The following SYN3 variants were observed in gnomAD, a reference collection of about 807,000 sequenced individuals.
The protein encoded by SYN3 is synapsin III, also known as synapsin-3.
A neutral mutation model predicts 65.8 loss-of-function variants in SYN3; 35 were observed. That is an observed-to-expected ratio of 0.53 (90% CI 0.41 to 0.70). The LOEUF (loss-of-function observed/expected upper bound fraction) is 0.70, where lower values mean the gene tolerates loss of function less well. Ranked by LOEUF, SYN3 falls within the 30% of genes least tolerant of loss-of-function variation. SYN3 has a pLI of 0.00. For missense variants in SYN3, 680 were observed against 749.0 expected (o/e 0.91, Z 1.08); for synonymous variants, 270 against 292.9 (o/e 0.92, Z 0.80).
intron 3 of SYN3, among the ~76,000 whole-genome samples, chr22:32,936,746 T>G (rs1376572762): frequency 6.6e-6 from 1 of 152,198 alleles, no homozygotes; most frequent in African/African-American, 2.4e-5. Context: ...GCCAACAGCA[T>G]GCTCTGGATC....
intron 6 of SYN3, among the ~76,000 whole-genome samples, chr22:32,794,178 C>T (rs2046379683): frequency 6.6e-6 from 1 of 152,226 alleles, no homozygotes; most frequent in Admixed American, 6.5e-5. Context: ...GGTATCTCAG[C>T]TGAAAGACCC....
In SYN3 at chr22:32,710,616, G is replaced by A. The variant is rs374305805; in HGVS notation, c.712-113880C>T. Among the ~76,000 whole-genome samples, 11 of 100,162 alleles carry A rather than the reference G, an allele frequency of 1.1e-4. No individual in the cohort carries two copies. The South Asian group carries it at 2.8e-3, about 25-fold the overall frequency. The allele number at this position is 100,162 out of a possible 152,430, so 65.7% of individuals were successfully genotyped here. A position where few individuals can be genotyped will look rare whatever the true frequency, so the allele number is the denominator to read the frequency against. On this transcript the variant is annotated intron_variant, in intron 6 of 13. Transcript: ENST00000358763. ...CCACTGCACTCCAGCCTGGCTGACA[G>A]AGCGAGACTCTGTCTCAAAAAAAAA...
intron 6 of SYN3, among the ~76,000 whole-genome samples, chr22:32,848,130 G>A (rs767213173): frequency 6.6e-6 from 1 of 152,192 alleles, no homozygotes; most frequent in Non-Finnish European, 1.5e-5. Context: ...TTCACACAAC[G>A]TAGAAAGAGA....
intron 6 of SYN3, among the ~76,000 whole-genome samples, chr22:32,643,077 G>GT (rs1167160478): frequency 1.3e-5 from 2 of 151,952 alleles, no homozygotes; most frequent in East Asian, 3.9e-4. Context: ...TTGTTTGTTT[G>GT]TTTTTTGTTT....
chr22:32,715,970 A>C (rs1444332155), intron 6 of SYN3, among the ~76,000 whole-genome samples: 2 of 152,084 alleles, frequency 1.3e-5, no homozygotes, highest in African/African-American at 4.8e-5. Context: ...AGAGCTAGGG[A>C]ATCCTGGAGA....
intron 7 of SYN3, among the ~76,000 whole-genome samples, chr22:32,565,867 C>T (rs910125069): frequency 6.6e-6 from 1 of 152,076 alleles, no homozygotes; most frequent in Non-Finnish European, 1.5e-5. Flanking sequence ...CACCCACCAC[C>T]ACGCCCAGCT....
intron 7 of SYN3, among the ~76,000 whole-genome samples, chr22:32,582,032 T>C (rs546509930): frequency 6.6e-6 from 1 of 152,198 alleles, no homozygotes; most frequent in African/African-American, 2.4e-5. Flanking sequence ...ACTCCTGACC[T>C]TGTGATCCAC....
At chr22:32,885,130 A>T (rs1437572600) in intron 4 of SYN3, among the ~76,000 whole-genome samples, 1 of 151,038 alleles carries the variant, frequency 6.6e-6, no homozygotes, top group Non-Finnish European at 1.5e-5. Context: ...AAAAGCATTC[A>T]TAAGAATTTT....
chr22:32,850,563 C>T (rs149288662), intron 6 of SYN3, among the ~76,000 whole-genome samples: 250 of 152,170 alleles, frequency 1.6e-3, no homozygotes, highest in South Asian at 5.2e-3. Flanking sequence ...GCCAGGGAGG[C>T]CGTGAGGGAG....
At chr22:32,606,907 G>A (rs963539272) in intron 6 of SYN3, among the ~76,000 whole-genome samples, 17 of 150,904 alleles carry the variant, frequency 1.1e-4, no homozygotes, top group African/African-American at 4.1e-4. Flanking sequence ...TGTGCACAAC[G>A]TGCAGGTTTG....
At chr22:32,624,735 A>C (rs921893876) in intron 6 of SYN3, among the ~76,000 whole-genome samples, 3 of 152,226 alleles carry the variant, frequency 2.0e-5, no homozygotes, top group Non-Finnish European at 2.9e-5. Flanking sequence ...TAAAGTTCCC[A>C]GGTCTGGGCC....
intron 3 of SYN3, among the ~76,000 whole-genome samples, chr22:32,952,273 G>A (rs766313143): frequency 2.6e-5 from 4 of 151,090 alleles, no homozygotes; most frequent in East Asian, 1.9e-4. Flanking sequence ...GTGCGCACAC[G>A]CATGTGAATA....
intron 3 of SYN3, among the ~76,000 whole-genome samples, chr22:32,976,195 A>G (rs950645698): frequency 1.3e-5 from 2 of 152,186 alleles, no homozygotes; most frequent in African/African-American, 4.8e-5. Flanking sequence ...TCCCAACCCA[A>G]TATTACACAA....
rs529785528 is a variant in SYN3 at position 32,753,675 on chromosome 22, T to C, written c.711+111240A>G. On this transcript the variant is annotated intron_variant, in intron 6 of 13. Transcript: ENST00000358763. ...CCAAAGGAATCTTTATTCTTGGGTG[T>C]TGATTTATCCCATACACTTAACGCC... Among the ~76,000 whole-genome samples the C allele has an allele frequency of 3.9e-5, 6 of 152,384 alleles. No individual in the cohort carries two copies. The East Asian group carries it at 1.2e-3, about 29-fold the overall frequency.
chr22:32,613,960 TCAGCC>T (rs2059481266), intron 6 of SYN3, among the ~76,000 whole-genome samples: 1 of 152,334 alleles, frequency 6.6e-6, no homozygotes, highest in African/African-American at 2.4e-5. Flanking sequence ...CGCTTGAATC[TCAGCC>T]CTACCACTGC....
chr22:32,616,506 C>T (rs1487171731), intron 6 of SYN3, among the ~76,000 whole-genome samples: 1 of 152,178 alleles, frequency 6.6e-6, no homozygotes, highest in Non-Finnish European at 1.5e-5. Context: ...ACTGAATCCA[C>T]ACGAGAGGCC....
intron 6 of SYN3, among the ~76,000 whole-genome samples, chr22:32,610,628 G>C (rs184137148): frequency 6.9e-6 from 1 of 144,600 alleles, no homozygotes; most frequent in Non-Finnish European, 1.5e-5. Context: ...TGTTGCCCAG[G>C]CTGAAGTGCA....
intron 4 of SYN3, among the ~76,000 whole-genome samples, chr22:32,926,215 G>A (rs1170115465): frequency 6.6e-6 from 1 of 152,036 alleles, no homozygotes; most frequent in African/African-American, 2.4e-5. Context: ...TACCAAATAG[G>A]GAAGCAGACA....
chr22:32,701,985 G>T (rs2060816197), intron 6 of SYN3, among the ~76,000 whole-genome samples: 1 of 152,146 alleles, frequency 6.6e-6, no homozygotes, highest in Admixed American at 6.5e-5. Context: ...TGTGATTTAA[G>T]TATTTTCTTG....
Sources: gnomAD v4.1 joint callset for allele counts (sites outside exome capture counted in the v4.1 genomes callset) on GRCh38, gnomAD v4.1.1 for gene constraint, MANE v1.5 for transcripts, NCBI Gene and HGNC (gene_info 2026-07-23, HGNC 2026-07-21) for gene names.